The following TSHZ3 variants were observed in gnomAD, a reference collection of about 807,000 sequenced individuals.
The protein encoded by TSHZ3 is teashirt homolog 3.
A neutral mutation model predicts 64.5 loss-of-function variants in TSHZ3; 10 were observed. The observed-to-expected ratio is 0.16, with a 90% CI of 0.10 to 0.26. TSHZ3 has a LOEUF of 0.26. TSHZ3 is among the 10% of genes least tolerant of loss of function. The pLI is 1.00. For missense variants in TSHZ3, 1,242 were observed against 1,421.7 expected (o/e 0.87, Z 2.03); for synonymous variants, 608 against 593.1 (o/e 1.03, Z -0.36).
intron 3 of TSHZ3, among the ~76,000 whole-genome samples, chr19:31,231,544 A>G (rs142679429): frequency 3.8e-4 from 58 of 152,148 alleles, no homozygotes; most frequent in South Asian, 6.2e-4. Context: ...AGTGTAAAAC[A>G]TGATGTTTTT....
intron 5 of TSHZ3, among the ~76,000 whole-genome samples, chr19:31,175,779 G>T (rs538554457): frequency 3.3e-5 from 5 of 152,348 alleles, no homozygotes; most frequent in African/African-American, 9.6e-5. Flanking sequence ...TGGGGCCCTG[G>T]CCAGGAGCAG....
intron 1 of TSHZ3, among the ~76,000 whole-genome samples, chr19:31,332,872 G>A (rs1030982227): frequency 7.9e-5 from 12 of 152,108 alleles, no homozygotes; most frequent in Admixed American, 5.2e-4. Flanking sequence ...TTTGGAGACC[G>A]AGGAGGGTAG....
intron 1 of TSHZ3, among the ~76,000 whole-genome samples, chr19:31,328,998 C>A (rs933006662): frequency 6.6e-6 from 1 of 152,112 alleles, no homozygotes; most frequent in African/African-American, 2.4e-5. Flanking sequence ...GTACAGGGGC[C>A]GTGTGAGCTC....
At chr19:31,167,397 A>C (rs1489007195) in intron 5 of TSHZ3, 1 of 152,160 alleles carries the variant, frequency 6.6e-6, no homozygotes, top group Non-Finnish European at 1.5e-5. Flanking sequence ...CCCTCACTTT[A>C]AAAATGGTGT....
chr19:31,346,114 T>C lies in TSHZ3; in HGVS notation c.40+3066A>G, dbSNP rs950148175. Among the ~76,000 whole-genome samples the C allele has an allele frequency of 1.1e-4, 16 of 152,304 alleles. No homozygotes were observed. In the East Asian group the frequency reaches 3.1e-3, roughly 29 times the overall value. Reference sequence around the variant, plus strand: ...AATCCTAAAGTACAGAAATATGTATTTTCAGGGATTCTTGGAGCCTGCTTC... The same window carrying C: ...AATCCTAAAGTACAGAAATATGTATCTTCAGGGATTCTTGGAGCCTGCTTC... On this transcript the variant is annotated intron_variant, in intron 1 of 1. Transcript: ENST00000240587.
chr19:31,232,387 G>A (rs753275150), intron 3 of TSHZ3, among the ~76,000 whole-genome samples: 2 of 152,184 alleles, frequency 1.3e-5, no homozygotes, highest in Non-Finnish European at 2.9e-5. Context: ...GTGTGTGAGA[G>A]CCTTGTGAGA....
chr19:31,152,433 G>A (rs905308088), intron 6 of TSHZ3, among the ~76,000 whole-genome samples: 26 of 152,080 alleles, frequency 1.7e-4, no homozygotes, highest in African/African-American at 5.6e-4. Flanking sequence ...GAGGATTGCC[G>A]CTTCAGGGGT....
At chr19:31,209,313 T>C (rs2145157966) in intron 4 of TSHZ3, among the ~76,000 whole-genome samples, 1 of 152,348 alleles carries the variant, frequency 6.6e-6, no homozygotes, top group South Asian at 2.1e-4. Flanking sequence ...TCCTTGGGAC[T>C]CAGTGCAGTA....
intron 1 of TSHZ3, among the ~76,000 whole-genome samples, chr19:31,332,531 T>C (rs925863082): frequency 1.3e-5 from 2 of 152,142 alleles, no homozygotes; most frequent in African/African-American, 4.8e-5. Flanking sequence ...ACTAAAATTA[T>C]CAGCTGTATT....
At chr19:31,281,739 G>C (rs1365906266) in intron 1 of TSHZ3, among the ~76,000 whole-genome samples, 2 of 152,168 alleles carry the variant, frequency 1.3e-5, no homozygotes, top group Non-Finnish European at 1.5e-5. Flanking sequence ...GAAAAGAATA[G>C]GAAAAGAAAA....
chr19:31,328,207 C>T (rs997810877), intron 1 of TSHZ3, among the ~76,000 whole-genome samples: 1 of 152,206 alleles, frequency 6.6e-6, no homozygotes, highest in Non-Finnish European at 1.5e-5. Flanking sequence ...CACCCAAAAC[C>T]AAGGCACCTT....
chr19:31,175,616 G>A (rs1974596110), intron 5 of TSHZ3, among the ~76,000 whole-genome samples: 1 of 152,210 alleles, frequency 6.6e-6, no homozygotes, highest in South Asian at 2.1e-4. Flanking sequence ...TCCTTGGCAG[G>A]GTCTTCAGGA....
chr19:31,151,117 C>G (rs1347807391), exon 7 of TSHZ3, among the ~76,000 whole-genome samples: 1 of 152,128 alleles, frequency 6.6e-6, no homozygotes, highest in African/African-American at 2.4e-5. Flanking sequence ...TCAGTAATAA[C>G]CACAGGGAAG....
At chr19:31,329,105 G>A (rs1047741733) in intron 1 of TSHZ3, among the ~76,000 whole-genome samples, 4 of 152,068 alleles carry the variant, frequency 2.6e-5, no homozygotes, top group Non-Finnish European at 4.4e-5. Context: ...ATCTTCATGC[G>A]GCACATGTAT....
chr19:31,349,251 C>T lies in TSHZ3; in HGVS notation c.-32G>A, dbSNP rs763631394. On this transcript the variant is annotated 5_prime_UTR_variant, in exon 1 of 2. Transcript: ENST00000240587. ...TCTCCGGCGACTGCCACTGCCGCCG[C>T]CGCCGCCGCTGCCGGGCTGAGGACA... 6.5e-7 allele frequency: 1 copy of T among 1,529,070 alleles called. No homozygotes were observed. The highest frequency in any genetic ancestry group is 8.8e-7 in the Non-Finnish European group (1 of 1,140,674). The allele number at this position is 1,529,070 out of a possible 1,614,324, so 94.7% of individuals were successfully genotyped here.
Position 31,249,779 on chromosome 19 carries a change from C to T in TSHZ3, n.64-6904G>A, listed in dbSNP as rs1038977811. ...CCGCCCCTCCCTCTGGCAGGTCCTTCATCTCCCCAACCCCAGCTTCCTCCA... is the reference window on the plus strand; with the variant it reads ...CCGCCCCTCCCTCTGGCAGGTCCTTTATCTCCCCAACCCCAGCTTCCTCCA... On this transcript the variant is annotated intron_variant and non_coding_transcript_variant, in intron 1 of 6. Transcript: ENST00000651361. 6.6e-5 allele frequency among the ~76,000 whole-genome samples: 10 copies of T among 152,290 alleles called. 1 individual carries two copies. The highest frequency in any genetic ancestry group is 2.4e-4 in the African/African-American group (10 of 41,576).
intron 4 of TSHZ3, among the ~76,000 whole-genome samples, chr19:31,226,497 T>C (rs1390335837): frequency 6.6e-6 from 1 of 152,168 alleles, no homozygotes; most frequent in African/African-American, 2.4e-5. Flanking sequence ...TTGTGAGGCC[T>C]CCCCAGCCAC....
chr19:31,202,341 G>A (rs1353537), intron 5 of TSHZ3, among the ~76,000 whole-genome samples: 121 of 152,022 alleles, frequency 8.0e-4, no homozygotes, highest in African/African-American at 2.7e-3. Context: ...TCTAGATATC[G>A]CTGTATGTAT....
chr19:31,250,940 T>G, intron 1 of TSHZ3, among the ~76,000 whole-genome samples: 2 of 151,118 alleles, frequency 1.3e-5, no homozygotes, highest in Admixed American at 6.6e-5. Context: ...TGTGGTCAGG[T>G]TTGGTGTCTG....
Sources: gnomAD v4.1 joint callset for allele counts (sites outside exome capture counted in the v4.1 genomes callset) on GRCh38, gnomAD v4.1.1 for gene constraint, MANE v1.5 for transcripts, NCBI Gene and HGNC (gene_info 2026-07-23, HGNC 2026-07-21) for gene names.